REN: variants seen among roughly 807,000 people sequenced by gnomAD.
The protein encoded by REN is angiotensin-forming enzyme.
REN carries 42 observed loss-of-function variants against 48.6 expected under a neutral mutation model. That is an observed-to-expected ratio of 0.86 (90% CI 0.68 to 1.12). The LOEUF is 1.12. Among genes scored for constraint, REN ranks in the 50% most tolerant of loss-of-function variants. REN has a pLI of 0.00. For synonymous variants in REN, 196 were observed against 204.6 expected (o/e 0.96, Z 0.36); for missense variants, 443 against 527.3 (o/e 0.84, Z 1.57).
chr1:204,162,722 G>C (rs528398821), intron 1 of REN, among the ~76,000 whole-genome samples: 33 of 152,218 alleles, frequency 2.2e-4, no homozygotes, highest in Non-Finnish European at 3.7e-4. Context: ...GGATACCAGG[G>C]GACAGGCACC....
rs748060874 is a variant in REN, at chr1:204,164,565, CTTTTTT to C, written c.98+1625_98+1630del. Among the ~76,000 whole-genome samples the C allele has an allele frequency of 8.7e-3, 815 of 93,684 alleles. 8 individuals are homozygous for C. Among genetic ancestry groups the C allele is most frequent in the African/African-American group, 0.032 (711 of 22,054 alleles). The allele number at this position is 93,684 out of a possible 152,430, so 61.5% of individuals were successfully genotyped here. On this transcript the variant is annotated intron_variant, in intron 1 of 9. Transcript: ENST00000272190. ...ATGCTGTCTCTTCCCCTTCTTCAGT[CTTTTTT>C]TTTTTTTTTTTTTTTTTTACATAAG...
In REN at chr1:204,156,237, A is replaced by G. The variant is rs1387291672; in HGVS notation, c.901T>C (p.Ser301Pro). ...ATGAGCTTCTCTATGGAGCTGGTAG[A>G]ACCTGAGATGTAGGATGCACCGGTG... ...VDTGASYISG[S>P]TSSIEKLMEA... The change falls in exon 8 of 10, where the codon TCT becomes CCT. Residue 301 changes from serine (S) to proline (P), a missense_variant. Transcript: ENST00000272190. The surrounding 1 kb of genome is among the most constrained non-coding windows in gnomAD (Gnocchi z 4.2). The G allele has an allele frequency of 1.9e-6, 3 of 1,614,206 alleles. No individual in the cohort carries two copies. Among genetic ancestry groups the G allele is most frequent in the Non-Finnish European group, 2.5e-6 (3 of 1,180,036 alleles).
chr1:204,163,338 T>C (rs934734136), intron 1 of REN, among the ~76,000 whole-genome samples: 1 of 152,266 alleles, frequency 6.6e-6, no homozygotes, highest in African/African-American at 2.4e-5. Flanking sequence ...CAGCATGGTA[T>C]TGTAACAGAA....
Position 204,156,415 on chromosome 1 carries a change from T to C in REN, c.819-96A>G, listed in dbSNP as rs1034474102. ...CATGTCCTTCCTGAGTGTGGGTGGG[T>C]GGGTGGAGGCCACGCTGGTGGCCTG... On this transcript the variant is annotated intron_variant, in intron 7 of 9. Transcript: ENST00000272190. The surrounding 1 kb of genome is among the most constrained non-coding windows in gnomAD (Gnocchi z 4.2). 6.0e-6 allele frequency: 4 copies of C among 669,068 alleles called. No individual in the cohort carries two copies. The highest frequency in any genetic ancestry group is 1.0e-5 in the Non-Finnish European group (4 of 390,518). The allele number at this position is 669,068 out of a possible 1,614,324, so 41.4% of individuals were successfully genotyped here. A position where few individuals can be genotyped will look rare whatever the true frequency, so the allele number is the denominator to read the frequency against.
rs1207031789 is a variant in REN at position 204,160,503 on chromosome 1, G to A, written c.492+57C>T. ...GCAGGTGTGGGCCCTGGAGGGTCAGGAGAGGCCTGGGGACAGAAGGGGTCC... is the reference window on the plus strand; with the variant it reads ...GCAGGTGTGGGCCCTGGAGGGTCAGAAGAGGCCTGGGGACAGAAGGGGTCC... On this transcript the variant is annotated intron_variant, in intron 4 of 9. Coordinates refer to ENST00000272190, the MANE Select transcript of REN (RefSeq NM_000537.4). The A allele has an allele frequency of 5.9e-6, 7 of 1,180,518 alleles. No homozygotes were observed. The Admixed American group carries it at 1.2e-4, about 20-fold the overall frequency. 73.1% of individuals were successfully genotyped at this position (1,180,518 alleles called of 1,614,324 possible).
intron 5 of REN, among the ~76,000 whole-genome samples, chr1:204,158,325 C>A (rs1658186405): frequency 6.6e-6 from 1 of 152,144 alleles, no homozygotes; most frequent in South Asian, 2.1e-4. Context: ...CCGGAGACTC[C>A]TCTCCATTTT....
intron 3 of REN, 85 bp from the exon 4 acceptor site, chr1:204,160,763 G>T: frequency 1.1e-6 from 1 of 919,178 alleles, no homozygotes; most frequent in Non-Finnish European, 1.8e-6. Flanking sequence ...GGGTATGGCT[G>T]GTTAGCTTAG....
At chr1:204,158,942 A>G (rs1658196671) in intron 5 of REN, among the ~76,000 whole-genome samples, 1 of 152,194 alleles carries the variant, frequency 6.6e-6, no homozygotes, top group Admixed American at 6.5e-5. Context: ...GAAGGATCTA[A>G]TGGATGACTG....
chr1:204,165,257 C>T (rs553170822), intron 1 of REN, among the ~76,000 whole-genome samples: 12 of 152,310 alleles, frequency 7.9e-5, no homozygotes, highest in Middle Eastern at 3.4e-3. Context: ...AGGCGTGAGC[C>T]ACTGCTCCCG....
intron 5 of REN, among the ~76,000 whole-genome samples, chr1:204,159,000 GC>G (rs918573718): frequency 6.6e-6 from 1 of 152,166 alleles, no homozygotes; most frequent in African/African-American, 2.4e-5. Flanking sequence ...AACAGGCAGG[GC>G]TACAGGTCAC....
Position 204,155,185 on chromosome 1 carries a change from G to T in REN, c.1060-8C>A, listed in dbSNP as rs759803237. ...TTTACTACTGTAGGATTCCTGGCAG[G>T]AAGGGGGAGAGTTTCTCCATACCCA... On this transcript the variant is annotated splice_polypyrimidine_tract_variant and splice_region_variant and intron_variant, in intron 9 of 9. Coordinates refer to ENST00000272190, the MANE Select transcript of REN (RefSeq NM_000537.4). The T allele has an allele frequency of 1.2e-6, 2 of 1,614,040 alleles. No homozygotes were observed. The highest frequency in any genetic ancestry group is 1.7e-6 in the Non-Finnish European group (2 of 1,179,914).
chr1:204,157,991 T>C (rs1181362182), intron 5 of REN, among the ~76,000 whole-genome samples: 1 of 152,178 alleles, frequency 6.6e-6, no homozygotes. Flanking sequence ...TCTTTCCACA[T>C]TTTTAATCTC....
intron 3 of REN, among the ~76,000 whole-genome samples, 195 bp from the exon 4 acceptor site, chr1:204,160,873 A>G (rs1199738444): frequency 6.6e-6 from 1 of 152,178 alleles, no homozygotes; most frequent in Admixed American, 6.5e-5. Context: ...CCATACATCG[A>G]GAATTTTGTC....
intron 5 of REN, among the ~76,000 whole-genome samples, chr1:204,158,841 G>A (rs1400388025): frequency 6.6e-6 from 1 of 152,164 alleles, no homozygotes; most frequent in Non-Finnish European, 1.5e-5. Flanking sequence ...ATTCTGCCTT[G>A]TTCACTGTGT....
intron 1 of REN, among the ~76,000 whole-genome samples, chr1:204,164,676 T>C (rs1369747709): frequency 6.8e-6 from 1 of 148,058 alleles, no homozygotes; most frequent in Non-Finnish European, 1.5e-5. Context: ...GCTGAAGTGA[T>C]GCTCCCACCT....
chr1:204,164,240 G>A (rs986149217), intron 1 of REN, among the ~76,000 whole-genome samples: 7 of 152,292 alleles, frequency 4.6e-5, no homozygotes, highest in Non-Finnish European at 8.8e-5. Context: ...ATTACTCTCC[G>A]AGAGCCTCAG....
In REN at chr1:204,160,379, C is replaced by A. The variant is rs11571113; in HGVS notation, c.492+181G>T. 4.7e-3 allele frequency among the ~76,000 whole-genome samples: 717 copies of A among 152,324 alleles called. 5 individuals carry two copies. Among genetic ancestry groups the A allele is most frequent in the African/African-American group, 0.015 (621 of 41,582 alleles). On this transcript the variant is annotated intron_variant, in intron 4 of 9. Coordinates refer to ENST00000272190, the MANE Select transcript of REN (RefSeq NM_000537.4). The stretch of plus-strand genomic sequence containing the variant: ...GGTGAGCCCGTAGCCCAGGCTTGCT[C>A]CCCCATAGGTACTGCTGCTTTGCAG...
chr1:204,160,491 C>G, intron 4 of REN, 69 bp downstream of exon 4: 1 of 1,057,536 alleles, frequency 9.5e-7, no homozygotes, highest in Non-Finnish European at 1.5e-6. Context: ...GGTGTGGGCC[C>G]TGGAGGGTCA....
At chr1:204,164,849 T>C (rs1034344100) in intron 1 of REN, among the ~76,000 whole-genome samples, 3 of 152,134 alleles carry the variant, frequency 2.0e-5, no homozygotes, top group African/African-American at 7.2e-5. Flanking sequence ...ATTACAAGCA[T>C]GAGCCGCGTG....
Sources: allele counts gnomAD v4.1 joint callset (sites outside exome capture counted in the v4.1 genomes callset), GRCh38; gene constraint gnomAD v4.1.1; non-coding constraint Gnocchi (gnomAD v3.1); transcripts MANE v1.5; gene names NCBI Gene and HGNC (gene_info 2026-07-23, HGNC 2026-07-21).